Variants in NCAPH observed in about 807,000 individuals in gnomAD.
NCAPH encodes the protein condensin complex subunit 2.
In NCAPH, 38 loss-of-function variants were observed where a neutral mutation model predicts 85.5. That is an observed-to-expected ratio of 0.44 (90% CI 0.34 to 0.58). NCAPH has a LOEUF of 0.58. NCAPH is among the 20% of genes least tolerant of loss of function. NCAPH has a pLI of 0.01. For missense variants in NCAPH, 789 were observed against 916.6 expected (o/e 0.86, Z 1.80); for synonymous variants, 301 against 335.1 (o/e 0.90, Z 1.11).
chr2:96,351,748 T>A, intron 6 of NCAPH, 83 bp from the exon 7 acceptor site: 1 of 1,224,974 alleles, frequency 8.2e-7, no homozygotes, highest in East Asian at 2.4e-5. Flanking sequence ...TACCTGCTAA[T>A]GAGTGGGGCC....
intron 3 of NCAPH, 103 bp downstream of exon 3, chr2:96,342,243 C>G: frequency 9.1e-7 from 1 of 1,097,828 alleles, no homozygotes; most frequent in Non-Finnish European, 1.4e-6. Context: ...GATGATAATT[C>G]TCTGGTGAGT....
Position 96,351,914 on chromosome 2 carries a change from G to C in NCAPH, c.804G>C (p.Gln268His), listed in dbSNP as rs761019401. 1.2e-6 allele frequency: 2 copies of C among 1,613,980 alleles called. No homozygotes were observed. Among genetic ancestry groups the C allele is most frequent in the Non-Finnish European group, 1.7e-6 (2 of 1,179,978 alleles). ...TGTTTCTGTCCACTCTCCACTGCCAGGACTACAGAAGTGAACTGCTGTTTC... is the reference window on the plus strand; with the variant it reads ...TGTTTCTGTCCACTCTCCACTGCCACGACTACAGAAGTGAACTGCTGTTTC... Reference protein sequence around the residue: ...AGVFLSTLHCQDYRSELLFPS... With the variant: ...AGVFLSTLHCHDYRSELLFPS... Residue 268 changes from glutamine (Q) to histidine (H), a missense_variant, in exon 7 of 18, where the codon CAG becomes CAC. By Grantham distance (24) the Gln-to-His change is conservative. Coordinates refer to ENST00000240423, the MANE Select transcript of NCAPH (RefSeq NM_015341.5).
chr2:96,372,761 T>C (rs1470377988), intron 17 of NCAPH, among the ~76,000 whole-genome samples: 1 of 152,208 alleles, frequency 6.6e-6, no homozygotes, highest in Non-Finnish European at 1.5e-5. Context: ...TTATTAGTTA[T>C]TGTTAATCTC....
intron 9 of NCAPH, among the ~76,000 whole-genome samples, chr2:96,355,562 C>T (rs2064512471): frequency 6.6e-6 from 1 of 152,068 alleles, no homozygotes; most frequent in Non-Finnish European, 1.5e-5. Context: ...CTCAGTAGCA[C>T]CCTGCTCTCC....
Position 96,335,809 on chromosome 2 carries a change from C to T in NCAPH, c.-21C>T, listed in dbSNP as rs1324292188. ...CTCGACGCGCGCGATTTAAAACCAG[C>T]TCAGGAGACGCCAAGGAAAGATGGG... On this transcript the variant is annotated 5_prime_UTR_variant, in exon 1 of 18. Transcript: ENST00000240423. The T allele has an allele frequency of 2.0e-6, 3 of 1,492,560 alleles. No individual in the cohort carries two copies. Among genetic ancestry groups the T allele is most frequent in the East Asian group, 2.9e-5 (1 of 34,406 alleles). The allele number at this position is 1,492,560 out of a possible 1,614,324, so 92.5% of individuals were successfully genotyped here. A position where few individuals can be genotyped will look rare whatever the true frequency, so the allele number is the denominator to read the frequency against.
chr2:96,343,286 G>A lies in NCAPH; in HGVS notation c.577G>A (p.Val193Ile), dbSNP rs757949551. The A allele has an allele frequency of 3.6e-5, 58 of 1,612,896 alleles. No individual in the cohort carries two copies. The highest frequency in any genetic ancestry group is 4.7e-5 in the Non-Finnish European group (56 of 1,179,376). The change falls in exon 5 of 18, where the codon GTA becomes ATA. Residue 193 changes from valine (V) to isoleucine (I), a missense_variant. By Grantham distance (29) the Val-to-Ile change is conservative. Transcript: ENST00000240423. ...CAAAGATGCACCGTCTTTGGAAGAA[G>A]TAGAAGGCCATGTTGCTGGTAGGTG... ...LGKDAPSLEE[V>I]EGHVADGSAT...
intron 6 of NCAPH, among the ~76,000 whole-genome samples, chr2:96,344,457 A>G (rs987906509): frequency 6.6e-6 from 1 of 152,258 alleles, no homozygotes; most frequent in Non-Finnish European, 1.5e-5. Context: ...CAAATTGCTG[A>G]GAAATCTAAT....
chr2:96,363,084 A>G (rs2064649495), intron 12 of NCAPH, among the ~76,000 whole-genome samples: 1 of 152,206 alleles, frequency 6.6e-6, no homozygotes, highest in South Asian at 2.1e-4. Context: ...TCCTTCAGCA[A>G]CCACCACCCA....
intron 6 of NCAPH, among the ~76,000 whole-genome samples, chr2:96,347,278 GTT>G (rs34345809): frequency 2.1e-5 from 3 of 140,418 alleles, no homozygotes; most frequent in African/African-American, 5.3e-5. Flanking sequence ...CCCTCAGCCT[GTT>G]TTTTTTTTTT....
At chr2:96,342,007 C>T (rs1402508588) in intron 2 of NCAPH, 43 bp from the exon 3 acceptor site, 5 of 1,603,888 alleles carry the variant, frequency 3.1e-6, no homozygotes, top group Non-Finnish European at 4.3e-6. Context: ...TTTAAACTAT[C>T]ATGGATTCTT....
At chr2:96,338,859 G>A (rs1425093726) in intron 1 of NCAPH, among the ~76,000 whole-genome samples, 1 of 152,214 alleles carries the variant, frequency 6.6e-6, no homozygotes, top group Non-Finnish European at 1.5e-5. Context: ...CACCCAGGCT[G>A]TAGTGCAGTG....
At chr2:96,359,457 A>G in intron 10 of NCAPH, 1 of 458,832 alleles carries the variant, frequency 2.2e-6, no homozygotes, top group Non-Finnish European at 3.9e-6. Flanking sequence ...GCTCCCTAGT[A>G]TCCACATGAC....
chr2:96,341,845 C>T lies in NCAPH; in HGVS notation c.223C>T (p.Leu75=), dbSNP rs2104421760. The change falls in exon 2 of 18, where the codon CTG becomes TTG. Residue 75 remains leucine (L), a synonymous_variant. Transcript: ENST00000240423. ...LQRRRSRVFD[L]QFSTDSPRLL... ...GCGGAGGCGCTCGAGGGTCTTTGAT[C>T]TGCAGTTCAGCACTGACTCACCTCG... The T allele has an allele frequency of 6.2e-7, 1 of 1,613,318 alleles. No individual in the cohort carries two copies. The highest frequency in any genetic ancestry group is 1.6e-4 in the Middle Eastern group (1 of 6,062).
chr2:96,353,073 G>A (rs2064468480), intron 7 of NCAPH, among the ~76,000 whole-genome samples: 1 of 152,208 alleles, frequency 6.6e-6, no homozygotes, highest in African/African-American at 2.4e-5. Flanking sequence ...TGCGATGACA[G>A]TGCATAGCCT....
rs1325027917 is a variant in NCAPH, at chr2:96,365,443, T to C, written c.1699-433T>C. Among the ~76,000 whole-genome samples the C allele has an allele frequency of 3.9e-5, 6 of 152,052 alleles. No homozygotes were observed. The South Asian group carries it at 1.3e-3, about 32-fold the overall frequency. On this transcript the variant is annotated intron_variant, in intron 13 of 17. Transcript: ENST00000240423. ...AAGATACTGATACATTCACTCTGGA[T>C]GTGATCGCAAAAATGACTTTCTCAC...
intron 6 of NCAPH, 89 bp downstream of exon 6, chr2:96,344,318 T>C: frequency 1.4e-6 from 2 of 1,459,192 alleles, no homozygotes; most frequent in Non-Finnish European, 1.8e-6. Flanking sequence ...CTTGCTGGTA[T>C]GTGCCTGTTT....
chr2:96,365,132 TC>T (rs1244002615), intron 13 of NCAPH, among the ~76,000 whole-genome samples: 2 of 152,012 alleles, frequency 1.3e-5, no homozygotes, highest in African/African-American at 2.4e-5. Flanking sequence ...AATTTCCATA[TC>T]CCTTCTCTGA....
intron 12 of NCAPH, among the ~76,000 whole-genome samples, chr2:96,361,816 A>ATG (rs1553447790): frequency 3.1e-5 from 3 of 96,498 alleles, no homozygotes; most frequent in African/African-American, 1.1e-4. Flanking sequence ...GTATATATAT[A>ATG]TATATATATA....
Position 96,375,371 on chromosome 2 carries a change from A to G in NCAPH, c.*2020A>G, listed in dbSNP as rs572041871. ...GTCTAAAATTCACATGTTGGTATTAAGAGATAGGGCCTTTGGGAGGTGATT... is the reference window on the plus strand; with the variant it reads ...GTCTAAAATTCACATGTTGGTATTAGGAGATAGGGCCTTTGGGAGGTGATT... On this transcript the variant is annotated 3_prime_UTR_variant, in exon 18 of 18. Coordinates refer to ENST00000240423, the MANE Select transcript of NCAPH (RefSeq NM_015341.5). Among the ~76,000 whole-genome samples, 13 of 152,180 alleles carry G rather than the reference A, an allele frequency of 8.5e-5. No homozygotes were observed. Among genetic ancestry groups the G allele is most frequent in the Non-Finnish European group, 1.6e-4 (11 of 68,048 alleles).
Sources: allele counts gnomAD v4.1 joint callset (sites outside exome capture counted in the v4.1 genomes callset), GRCh38; gene constraint gnomAD v4.1.1; transcripts MANE v1.5; gene names NCBI Gene and HGNC (gene_info 2026-07-23, HGNC 2026-07-21).